PKD1L1: variants seen among roughly 807,000 people sequenced by gnomAD.
PKD1L1 encodes polycystin 1 like 1, transient receptor potential channel interacting.
A neutral mutation model predicts 323.4 loss-of-function variants in PKD1L1; 236 were observed. That is an observed-to-expected ratio of 0.73 (90% CI 0.66 to 0.81). The LOEUF (loss-of-function observed/expected upper bound fraction) is 0.81, where lower values mean the gene tolerates loss of function less well. Ranked by LOEUF, PKD1L1 falls within the 40% of genes least tolerant of loss-of-function variation. The probability of loss-of-function intolerance (pLI) is 0.00; values close to 1 mark genes in which losing one functional copy is unlikely to be tolerated. For synonymous variants in PKD1L1, 1,344 were observed against 1,335.0 expected (o/e 1.01, Z -0.15); for missense variants, 3,320 against 3,508.0 (o/e 0.95, Z 1.35).
At chr7:47,834,474 C>A in intron 39 of PKD1L1, 89 bp from the exon 40 acceptor site, 8 of 1,027,730 alleles carry the variant, frequency 7.8e-6, no homozygotes, top group Non-Finnish European at 1.2e-5. Context: ...GGGGACACTA[C>A]TTTCTTCAGC....
At chr7:47,948,588 T>C (rs1242950524), upstream of PKD1L1, 12 of 674,200 alleles carry the variant, frequency 1.8e-5, no homozygotes, top group Non-Finnish European at 3.0e-5. Flanking sequence ...GAGGGAAAAA[T>C]CCAAACTCCA....
intron 1 of PKD1L1, among the ~76,000 whole-genome samples, chr7:47,943,917 A>G (rs1296938907): frequency 6.6e-6 from 1 of 152,118 alleles, no homozygotes; most frequent in African/African-American, 2.4e-5. Context: ...CACAGCCCTA[A>G]GAGCACATTC....
rs751017203 is a variant in PKD1L1 at position 47,795,995 on chromosome 7, C to T, written c.8349G>A (p.Glu2783=). 1 of 1,612,448 alleles carries T rather than the reference C, an allele frequency of 6.2e-7. No individual in the cohort carries two copies. The highest frequency in any genetic ancestry group is 8.5e-7 in the Non-Finnish European group (1 of 1,179,494). Reference sequence around the variant, plus strand: ...CCAAGATCTCACAGCTTACGTGATTCTCAACCATCTCAGCCTCTTCCAACT... The same window carrying T: ...CCAAGATCTCACAGCTTACGTGATTTTCAACCATCTCAGCCTCTTCCAACT... The part of the protein sequence containing the change: ...TPKLEEAEMV[E]NHNYYLDEFA... The change falls in exon 55 of 57, where the codon GAG becomes GAA. Residue 2783 remains glutamate, a synonymous_variant. Coordinates refer to ENST00000289672, the MANE Select transcript of PKD1L1 (RefSeq NM_138295.5).
chr7:47,802,249 A>C lies in PKD1L1; in HGVS notation c.7962+961T>G, dbSNP rs958815413. Among the ~76,000 whole-genome samples the C allele has an allele frequency of 8.6e-5, 13 of 151,616 alleles. No individual in the cohort carries two copies. The East Asian group carries it at 2.5e-3, about 30-fold the overall frequency. On this transcript the variant is annotated intron_variant, in intron 53 of 56. Coordinates refer to ENST00000289672, the MANE Select transcript of PKD1L1 (RefSeq NM_138295.5). The stretch of plus-strand genomic sequence containing the variant: ...TTGCTAAATGGTCTTAATAATGACT[A>C]GTTTAATCACTCCATAAATTCTACA...
At chr7:47,809,423 TA>T in intron 51 of PKD1L1, 49 bp downstream of exon 51, 2 of 1,330,268 alleles carry the variant, frequency 1.5e-6, no homozygotes, top group Non-Finnish European at 2.1e-6. Context: ...TTTCAAGATA[TA>T]AACAGTTTAT....
chr7:47,846,643 G>A (rs192820594), intron 32 of PKD1L1, among the ~76,000 whole-genome samples: 5 of 152,248 alleles, frequency 3.3e-5, no homozygotes, highest in Non-Finnish European at 7.3e-5. Flanking sequence ...GGAGGAATAC[G>A]AGGACAGTCT....
rs918612721 is a variant in PKD1L1, at chr7:47,800,872, C to T, written c.7970G>A (p.Gly2657Glu). 1.9e-6 allele frequency: 3 copies of T among 1,613,604 alleles called. No homozygotes were observed. The highest frequency in any genetic ancestry group is 2.5e-6 in the Non-Finnish European group (3 of 1,179,804). The stretch of plus-strand genomic sequence containing the variant: ...GGAGAGGGCGGCCAGCATCAGTGCC[C>T]CCACCAGCTGCAGAAAGAAAATCCA... ...LPSIFVAGLV[G>E]ALMLAALSHL... The change falls in exon 54 of 57, where the codon GGG becomes GAG. Residue 2657 changes from glycine to glutamate, a missense_variant. Coordinates refer to ENST00000289672, the MANE Select transcript of PKD1L1 (RefSeq NM_138295.5).
At chr7:47,926,638 T>A (rs184687120) in intron 7 of PKD1L1, among the ~76,000 whole-genome samples, 3 of 152,290 alleles carry the variant, frequency 2.0e-5, no homozygotes, top group East Asian at 3.9e-4. Flanking sequence ...TTTATACTAG[T>A]CAGTGTGAGT....
At chr7:47,864,584 C>CTTTCTT (rs1458850214) in intron 26 of PKD1L1, among the ~76,000 whole-genome samples, 4 of 75,550 alleles carry the variant, frequency 5.3e-5, no homozygotes, top group Non-Finnish European at 9.9e-5. Context: ...TCTTTTCTTT[C>CTTTCTT]TTTCTTTCTT....
chr7:47,927,711 T>G (rs928309173), intron 7 of PKD1L1, among the ~76,000 whole-genome samples: 1 of 152,232 alleles, frequency 6.6e-6, no homozygotes, highest in African/African-American at 2.4e-5. Context: ...TTCAGAAAGA[T>G]ACTGTTTTTA....
At chr7:47,779,873 G>A (rs970979779) in intron 56 of PKD1L1, among the ~76,000 whole-genome samples, 3 of 152,200 alleles carry the variant, frequency 2.0e-5, no homozygotes, top group African/African-American at 7.2e-5. Flanking sequence ...GTGGGAGAAA[G>A]GAGGTGCCCA....
At chr7:47,804,531 A>G (rs985350304) in intron 52 of PKD1L1, among the ~76,000 whole-genome samples, 1 of 140,718 alleles carries the variant, frequency 7.1e-6, no homozygotes, top group Non-Finnish European at 1.5e-5. Context: ...GAGTGGCAGG[A>G]TCTCGGCTCA....
rs181344679 is a variant in PKD1L1 at position 47,814,222 on chromosome 7, G to A, written c.7090-208C>T. Among the ~76,000 whole-genome samples the A allele has an allele frequency of 2.5e-4, 38 of 152,238 alleles. No individual in the cohort carries two copies. The East Asian group carries it at 6.4e-3, about 25-fold the overall frequency. On this transcript the variant is annotated intron_variant, in intron 47 of 56. Coordinates refer to ENST00000289672, the MANE Select transcript of PKD1L1 (RefSeq NM_138295.5). ...CCTCCCCAGACTTGTCCTGGAAAAG[G>A]GTTAACGTTCAAATGGTGTTCGTAA...
At chr7:47,910,826 T>TTGTGTGTGTGTGTGTGTGTGTGTGTG (rs60550498) in intron 8 of PKD1L1, among the ~76,000 whole-genome samples, 6 of 126,130 alleles carry the variant, frequency 4.8e-5, no homozygotes, top group African/African-American at 2.0e-4. Context: ...CCAGCTGATT[T>TTGTGTGTGTGTGTGTGTGTGTGTGTG]TGTGTGTGTG....
rs118080027 is a variant in PKD1L1 at position 47,939,339 on chromosome 7, A to G, written c.285+854T>C. ...GGAATACTGAAAAATGAACTGCAGG[A>G]GAGTCTTTGCCAAGGACAGCAGAGG... On this transcript the variant is annotated intron_variant, in intron 3 of 56. Transcript: ENST00000289672. Among the ~76,000 whole-genome samples, 181 of 152,328 alleles carry G rather than the reference A, an allele frequency of 1.2e-3. 2 individuals carry two copies. In the East Asian group the frequency reaches 0.033, roughly 27 times the overall value.
At chr7:47,948,844 T>C (rs1338286126), upstream of PKD1L1, among the ~76,000 whole-genome samples, 2 of 151,802 alleles carry the variant, frequency 1.3e-5, no homozygotes, top group Non-Finnish European at 2.9e-5. Flanking sequence ...GTAATCCCAG[T>C]TACCCAGGAG....
At chr7:47,869,951 A>G (rs931392438) in intron 24 of PKD1L1, among the ~76,000 whole-genome samples, 5 of 152,182 alleles carry the variant, frequency 3.3e-5, no homozygotes, top group Non-Finnish European at 5.9e-5. Context: ...GAAAATTACA[A>G]ATATGTAAAA....
chr7:47,904,256 A>G, intron 12 of PKD1L1, 122 bp downstream of exon 12: 1 of 1,341,020 alleles, frequency 7.5e-7, no homozygotes, highest in Non-Finnish European at 1.0e-6. Flanking sequence ...TCTCTGTGTA[A>G]TCATCTGTCA....
chr7:47,874,180 G>T (rs2128745214), intron 23 of PKD1L1, among the ~76,000 whole-genome samples, 170 bp from the exon 24 acceptor site: 1 of 152,304 alleles, frequency 6.6e-6, no homozygotes, highest in Admixed American at 6.5e-5. Context: ...ACTCGGCAAT[G>T]GACTGTCAAG....
Sources: allele counts gnomAD v4.1 joint callset (sites outside exome capture counted in the v4.1 genomes callset), GRCh38; gene constraint gnomAD v4.1.1; transcripts MANE v1.5; gene names NCBI Gene and HGNC (gene_info 2026-07-23, HGNC 2026-07-21).